Variants in OPCML observed in about 807,000 individuals in gnomAD.
OPCML encodes the protein opioid-binding protein/cell adhesion molecule.
Under a neutral mutation model 37.8 loss-of-function variants are expected in OPCML, and 13 were observed. That is an observed-to-expected ratio of 0.34 (90% CI 0.22 to 0.55). The LOEUF (loss-of-function observed/expected upper bound fraction) is 0.55. Among genes scored for constraint, OPCML ranks in the 20% least tolerant of loss-of-function variants. The probability of loss-of-function intolerance (pLI) is 0.91; values close to 1 mark genes in which losing one functional copy is unlikely to be tolerated. For synonymous variants in OPCML, 176 were observed against 168.8 expected (o/e 1.04, Z -0.33); for missense variants, 341 against 435.6 (o/e 0.78, Z 1.93).
chr11:133,523,842 T>C (rs1319247488), intron 1 of OPCML, among the ~76,000 whole-genome samples: 2 of 152,222 alleles, frequency 1.3e-5, no homozygotes, highest in East Asian at 3.9e-4. Flanking sequence ...GGATAATTTC[T>C]ACTCCTCCTC....
At chr11:133,342,807 C>A (rs1943904270) in intron 1 of OPCML, among the ~76,000 whole-genome samples, 2 of 152,092 alleles carry the variant, frequency 1.3e-5, no homozygotes, top group South Asian at 4.2e-4. Context: ...GAACCTGGAG[C>A]TAAATTTGGT....
At chr11:132,958,920 C>G (rs1001410767) in intron 1 of OPCML, among the ~76,000 whole-genome samples, 1 of 152,210 alleles carries the variant, frequency 6.6e-6, no homozygotes, top group Non-Finnish European at 1.5e-5. Context: ...TTCATGCCTG[C>G]TAACACAACC....
intron 3 of OPCML, among the ~76,000 whole-genome samples, chr11:132,578,189 C>T (rs184814893): frequency 1.3e-5 from 2 of 152,246 alleles, no homozygotes; most frequent in East Asian, 3.9e-4. Context: ...AATGTCCAGC[C>T]CACTTAGCTT....
intron 4 of OPCML, among the ~76,000 whole-genome samples, chr11:132,474,044 G>A (rs1276174581): frequency 6.6e-6 from 1 of 152,100 alleles, no homozygotes; most frequent in African/African-American, 2.4e-5. Context: ...AGGAAGGATG[G>A]GAGAGATGAA....
chr11:132,578,665 C>G (rs2096456037), intron 3 of OPCML, among the ~76,000 whole-genome samples: 1 of 152,196 alleles, frequency 6.6e-6, no homozygotes, highest in Non-Finnish European at 1.5e-5. Context: ...CTCTGCCTGT[C>G]TTTGTGCCAA....
chr11:132,740,374 C>T (rs538263434), intron 2 of OPCML, among the ~76,000 whole-genome samples: 1 of 152,294 alleles, frequency 6.6e-6, no homozygotes, highest in East Asian at 1.9e-4. Flanking sequence ...CATAAACATA[C>T]ACACTCCATT....
At chr11:133,475,908 G>T (rs1038530813) in intron 1 of OPCML, among the ~76,000 whole-genome samples, 1 of 152,190 alleles carries the variant, frequency 6.6e-6, no homozygotes, top group African/African-American at 2.4e-5. Context: ...AGAATGGATG[G>T]TAGGTGAGAT....
intron 1 of OPCML, among the ~76,000 whole-genome samples, chr11:133,011,323 T>C (rs1254859861): frequency 6.6e-6 from 1 of 152,148 alleles, no homozygotes; most frequent in Non-Finnish European, 1.5e-5. Context: ...TTATTCAGAA[T>C]AGTGAGGGCC....
chr11:132,472,980 G>T (rs2096142795), intron 4 of OPCML, among the ~76,000 whole-genome samples: 1 of 152,214 alleles, frequency 6.6e-6, no homozygotes, highest in African/African-American at 2.4e-5. Flanking sequence ...TAGGCTCTTA[G>T]ATCATTTCTC....
intron 1 of OPCML, among the ~76,000 whole-genome samples, chr11:133,511,701 CT>C (rs1208121813): frequency 0.016 from 2,398 of 146,840 alleles, 60 homozygotes; most frequent in African/African-American, 0.053. Context: ...GCCTGATGTA[CT>C]TTTTTTTTTT....
At chr11:132,692,048 A>T (rs1211621368) in intron 2 of OPCML, among the ~76,000 whole-genome samples, 1 of 152,176 alleles carries the variant, frequency 6.6e-6, no homozygotes, top group Non-Finnish European at 1.5e-5. Context: ...AATCAGCGTT[A>T]ATCTAACACA....
At chr11:132,635,661 T>G (rs2135707249) in intron 3 of OPCML, among the ~76,000 whole-genome samples, 1 of 152,226 alleles carries the variant, frequency 6.6e-6, no homozygotes, top group African/African-American at 2.4e-5. Flanking sequence ...TAAAATCAAC[T>G]TCAAGGAAGA....
At chr11:133,415,905 G>T (rs7936718) in intron 1 of OPCML, among the ~76,000 whole-genome samples, 10,414 of 152,166 alleles carry the variant, frequency 0.068, 1,026 homozygotes, top group African/African-American at 0.21. Flanking sequence ...CTGCCAACTG[G>T]CAAATGAAAC....
At chr11:132,499,253 G>A (rs1565615476) in intron 4 of OPCML, among the ~76,000 whole-genome samples, 1 of 152,304 alleles carries the variant, frequency 6.6e-6, no homozygotes, top group East Asian at 1.9e-4. Flanking sequence ...CATGCAAAGA[G>A]CAGAGGAGCA....
chr11:132,441,165 G>GTTTTTTTTTTGT (rs2096031953), intron 4 of OPCML, among the ~76,000 whole-genome samples: 1 of 72,402 alleles, frequency 1.4e-5, no homozygotes, highest in African/African-American at 1.1e-4. Flanking sequence ...GGACTTTTTT[G>GTTTTTTTTTTGT]TTTTTTTTTT....
intron 1 of OPCML, among the ~76,000 whole-genome samples, chr11:133,429,970 C>G (rs999527062): frequency 2.0e-5 from 3 of 151,926 alleles, no homozygotes. Context: ...TGGATGGAAG[C>G]GGGGTAGAAG....
At chr11:133,326,564 T>G (rs887985941) in intron 1 of OPCML, among the ~76,000 whole-genome samples, 3 of 128,250 alleles carry the variant, frequency 2.3e-5, no homozygotes, top group East Asian at 2.6e-4. Flanking sequence ...TATGTGTGTG[T>G]GGGGTGTCGG....
Position 133,147,207 on chromosome 11 carries a change from C to T in OPCML, c.62-204197G>A, listed in dbSNP as rs145930168. On this transcript the variant is annotated intron_variant, in intron 1 of 7. Transcript: ENST00000524381. ...CTGATAGGCAGTGCCACTTTCTACACGCAGGCTTTGTCTGCAGCATCTCTC... is the reference window on the plus strand; with the variant it reads ...CTGATAGGCAGTGCCACTTTCTACATGCAGGCTTTGTCTGCAGCATCTCTC... Among the ~76,000 whole-genome samples the T allele has an allele frequency of 3.7e-3, 569 of 152,216 alleles. 2 individuals are homozygous for T. Among genetic ancestry groups the T allele is most frequent in the Non-Finnish European group, 5.7e-3 (388 of 68,022 alleles).
At chr11:133,185,674 G>C (rs948100129) in intron 1 of OPCML, among the ~76,000 whole-genome samples, 2 of 152,128 alleles carry the variant, frequency 1.3e-5, no homozygotes, top group Non-Finnish European at 2.9e-5. Context: ...TGGTTCTAAG[G>C]CTCCCATAGA....
Sources: allele counts gnomAD v4.1 joint callset (sites outside exome capture counted in the v4.1 genomes callset), GRCh38; gene constraint gnomAD v4.1.1; transcripts MANE v1.5; gene names NCBI Gene and HGNC (gene_info 2026-07-23, HGNC 2026-07-21).